Variants in SLTM observed in about 807,000 individuals in gnomAD.
SLTM encodes the protein SAFB-like transcription modulator.
Under a neutral mutation model 134.6 loss-of-function variants are expected in SLTM, and 43 were observed. The ratio of observed to expected loss-of-function variants is 0.32; its 90% confidence interval spans 0.25 to 0.41. The LOEUF is 0.41. SLTM is among the 10% of genes least tolerant of loss of function. The pLI, the probability that SLTM is intolerant of heterozygous loss-of-function variation, is 1.00. For missense variants in SLTM, 1,055 were observed against 1,288.8 expected (o/e 0.82, Z 2.78); for synonymous variants, 424 against 432.3 (o/e 0.98, Z 0.24).
chr15:58,908,060 TTC>T (rs1439679774), intron 5 of SLTM, among the ~76,000 whole-genome samples: 2 of 86,100 alleles, frequency 2.3e-5, no homozygotes, highest in Non-Finnish European at 6.6e-5. Context: ...TTCTTTTTCT[TTC>T]TTTTTTTTTT....
intron 5 of SLTM, 111 bp from the exon 6 acceptor site, chr15:58,901,398 T>C: frequency 2.4e-6 from 2 of 819,940 alleles, no homozygotes; most frequent in Non-Finnish European, 3.9e-6. Context: ...TGATATTATT[T>C]AGGGATACCT....
rs2033504827 is a variant in SLTM, at chr15:58,879,232, C to A, written c.*767G>T. ...CCAGAGATGGAATTTATCCATCAAA[C>A]AAACAGTGCAGATTACCTAAAAGTG... On this transcript the variant is annotated 3_prime_UTR_variant, in exon 21 of 21. Coordinates refer to ENST00000380516, the MANE Select transcript of SLTM (RefSeq NM_024755.4). The A allele has an allele frequency of 6.6e-6, 1 of 150,846 alleles. No homozygotes were observed. The allele number at this position is 150,846 out of a possible 1,614,324, so 9.3% of individuals were successfully genotyped here.
At chr15:58,909,861 A>AGATGCCT (rs1173472297) in intron 5 of SLTM, among the ~76,000 whole-genome samples, 5 of 152,238 alleles carry the variant, frequency 3.3e-5, no homozygotes, top group African/African-American at 4.8e-5. Context: ...AAACTACATG[A>AGATGCCT]GATGCCTGTT....
intron 1 of SLTM, among the ~76,000 whole-genome samples, 167 bp from the exon 2 acceptor site, chr15:58,932,610 G>A (rs1567171326): frequency 6.6e-6 from 1 of 152,180 alleles, no homozygotes; most frequent in African/African-American, 2.4e-5. Context: ...GAAAGAGTGA[G>A]AGAAACTTTC....
At chr15:58,887,176 A>C (rs765383143) in intron 18 of SLTM, 50 bp downstream of exon 18, 1 of 1,611,984 alleles carries the variant, frequency 6.2e-7, no homozygotes, top group Admixed American at 1.7e-5. Context: ...AACTTTTTTT[A>C]ACCCCAATGC....
chr15:58,896,350 G>C (rs1418160780), intron 9 of SLTM, among the ~76,000 whole-genome samples: 2 of 152,140 alleles, frequency 1.3e-5, no homozygotes, highest in Non-Finnish European at 2.9e-5. Flanking sequence ...CCTGAAGCCA[G>C]GAGTTTGAGA....
At chr15:58,909,430 A>G (rs867785311) in intron 5 of SLTM, among the ~76,000 whole-genome samples, 6 of 152,248 alleles carry the variant, frequency 3.9e-5, no homozygotes, top group African/African-American at 1.4e-4. Flanking sequence ...ATAAAAAGGA[A>G]AGAATCAAAC....
intron 14 of SLTM, among the ~76,000 whole-genome samples, chr15:58,891,349 T>G (rs1206115129): frequency 6.6e-6 from 1 of 152,182 alleles, no homozygotes; most frequent in Admixed American, 6.5e-5. Flanking sequence ...ACAACGGACA[T>G]GCACACCATT....
In SLTM at chr15:58,897,227, G is replaced by A. The variant is rs2035154520; in HGVS notation, c.1115C>T (p.Thr372Ile). ...KTSSKDDKGS[T>I]SSTSGSSGSS... The stretch of plus-strand genomic sequence containing the variant: ...TCCACTGCTACCACTAGTACTACTT[G>A]TACTTCCTAGAATAGATTTAATATC... Residue 372 changes from threonine (T) to isoleucine (I), a missense_variant, in exon 9 of 21, where the codon ACA (threonine) becomes ATA (isoleucine). Transcript: ENST00000380516. The A allele has an allele frequency of 6.4e-7, 1 of 1,567,976 alleles. No homozygotes were observed. Among genetic ancestry groups the A allele is most frequent in the African/African-American group, 1.4e-5 (1 of 74,044 alleles).
Position 58,917,011 on chromosome 15 carries a change from G to C in SLTM, c.251-12C>G. 1 of 1,612,650 alleles carries C rather than the reference G, an allele frequency of 6.2e-7. No individual in the cohort carries two copies. The highest frequency in any genetic ancestry group is 8.5e-7 in the Non-Finnish European group (1 of 1,179,160). ...TTCATGTTTTTTACCTGCGAAAGAA[G>C]GAAAATGGGCTAACAACCAATATTT... On this transcript the variant is annotated splice_polypyrimidine_tract_variant and intron_variant, in intron 2 of 20. Transcript: ENST00000380516.
intron 5 of SLTM, among the ~76,000 whole-genome samples, chr15:58,908,002 C>CGTGTGTGTGTGTGT (rs140029214): frequency 0.02 from 2,758 of 139,910 alleles, 88 homozygotes; most frequent in African/African-American, 0.054. Context: ...AAACATGCTG[C>CGTGTGTGTGTGTGT]GTGTGTGTGT....
At chr15:58,920,504 TC>T (rs2036950523) in intron 2 of SLTM, among the ~76,000 whole-genome samples, 1 of 151,184 alleles carries the variant, frequency 6.6e-6, no homozygotes, top group South Asian at 2.1e-4. Context: ...ATGCCTGTAA[TC>T]CCAGCTAATT....
chr15:58,881,903 A>C (rs1167315198), intron 20 of SLTM, among the ~76,000 whole-genome samples: 3 of 151,878 alleles, frequency 2.0e-5, no homozygotes, highest in Non-Finnish European at 4.4e-5. Context: ...AGCCTGAGAA[A>C]CATTTAAAAA....
intron 2 of SLTM, 95 bp from the exon 3 acceptor site, chr15:58,917,094 C>T: frequency 9.0e-7 from 1 of 1,112,954 alleles, no homozygotes; most frequent in Non-Finnish European, 1.3e-6. Context: ...CTCTCCACTC[C>T]CAAACTATCT....
At chr15:58,889,207 T>C (rs1288717307) in intron 16 of SLTM, 1 of 450,476 alleles carries the variant, frequency 2.2e-6, no homozygotes, top group South Asian at 3.0e-5. Flanking sequence ...TTTCCAGTCA[T>C]AATGAAAAAC....
intron 2 of SLTM, among the ~76,000 whole-genome samples, chr15:58,930,388 T>C (rs1325232958): frequency 6.7e-6 from 1 of 150,166 alleles, no homozygotes; most frequent in Non-Finnish European, 1.5e-5. Context: ...CCTCAGCCTC[T>C]CAAACTGCTG....
intron 2 of SLTM, among the ~76,000 whole-genome samples, chr15:58,931,007 T>G (rs7165662): frequency 0.028 from 4,228 of 152,188 alleles, 196 homozygotes; most frequent in African/African-American, 0.097. Context: ...CCTGTCAAAC[T>G]AGCACAGCAT....
chr15:58,922,512 C>T (rs1333857693), intron 2 of SLTM, among the ~76,000 whole-genome samples: 14 of 138,268 alleles, frequency 1.0e-4, no homozygotes, highest in Middle Eastern at 4.1e-3. Flanking sequence ...ATATTATATA[C>T]GTATAAAATT....
At chr15:58,913,141 C>T (rs1434818231) in intron 4 of SLTM, among the ~76,000 whole-genome samples, 2 of 151,988 alleles carry the variant, frequency 1.3e-5, no homozygotes, top group East Asian at 1.9e-4. Context: ...ATTCATTCAT[C>T]GTGGAGTAGG....
Sources: allele counts gnomAD v4.1 joint callset (sites outside exome capture counted in the v4.1 genomes callset), GRCh38; gene constraint gnomAD v4.1.1; transcripts MANE v1.5; gene names NCBI Gene and HGNC (gene_info 2026-07-23, HGNC 2026-07-21).